The following ZNF827 variants were observed in gnomAD, a reference collection of about 807,000 sequenced individuals.
The protein encoded by ZNF827 is zinc finger protein 827.
In ZNF827, 13 loss-of-function variants were observed where a neutral mutation model predicts 102.4. The ratio of observed to expected loss-of-function variants is 0.13; its 90% CI spans 0.08 to 0.20. The LOEUF (loss-of-function observed/expected upper bound fraction) is 0.20. Among genes scored for constraint, ZNF827 ranks in the 10% least tolerant of loss-of-function variants. The pLI, the probability that ZNF827 is intolerant of heterozygous loss-of-function variation, is 1.00. For synonymous variants in ZNF827, 523 were observed against 536.2 expected (o/e 0.98, Z 0.34); for missense variants, 1,103 against 1,344.4 (o/e 0.82, Z 2.81).
chr4:145,922,845 G>C (rs1248076131), intron 1 of ZNF827, among the ~76,000 whole-genome samples: 1 of 148,602 alleles, frequency 6.7e-6, no homozygotes, highest in Non-Finnish European at 1.5e-5. Context: ...AAAACTGACA[G>C]TGTTTGTTGC....
chr4:145,904,446 G>C (rs1308725534), intron 1 of ZNF827, among the ~76,000 whole-genome samples: 1 of 152,246 alleles, frequency 6.6e-6, no homozygotes. Flanking sequence ...TGGGTGGGAA[G>C]AGAGCTGCAA....
At chr4:145,849,923 G>C (rs1458564125) in intron 5 of ZNF827, among the ~76,000 whole-genome samples, 2 of 152,134 alleles carry the variant, frequency 1.3e-5, no homozygotes, top group South Asian at 4.1e-4. Flanking sequence ...GAGAGGACAC[G>C]GTAAGTGTTT....
intron 7 of ZNF827, among the ~76,000 whole-genome samples, chr4:145,840,965 C>T (rs1181625733): frequency 2.0e-5 from 3 of 152,192 alleles, no homozygotes; most frequent in East Asian, 3.9e-4. Context: ...CTGCACAGCA[C>T]GATATGAGTC....
At position 145,765,254 on chromosome 4, in the gene ZNF827, C is replaced by T. The variant is rs34284109; in HGVS notation, c.3053-89G>A. 110,101 of 1,386,966 alleles carry T rather than the reference C, an allele frequency of 0.079. 5,050 individuals are homozygous for T. The highest frequency in any genetic ancestry group is 0.095 in the Non-Finnish European group (98,110 of 1,037,134). The allele number at this position is 1,386,966 out of a possible 1,614,324, so 85.9% of individuals were successfully genotyped here. ...AGCCAAGCTCCTCCCCACTTCCTCC[C>T]GCCTCCTCCGACGCCTGACAGCTAT... On this transcript the variant is annotated intron_variant, in intron 12 of 14. Coordinates refer to ENST00000508784, the MANE Select transcript of ZNF827 (RefSeq NM_001306215.2). This position sits in a 1 kb window ranked among gnomAD's most constrained non-coding sequence, Gnocchi z 4.7.
intron 11 of ZNF827, among the ~76,000 whole-genome samples, chr4:145,772,880 C>G (rs1232656602): frequency 6.6e-6 from 1 of 152,194 alleles, no homozygotes; most frequent in Non-Finnish European, 1.5e-5. Flanking sequence ...GCTTCATTCC[C>G]TGTGGTAATT....
At chr4:145,792,225 C>T (rs1171644251) in intron 8 of ZNF827, among the ~76,000 whole-genome samples, 1 of 152,052 alleles carries the variant, frequency 6.6e-6, no homozygotes, top group African/African-American at 2.4e-5. Context: ...CTGCTGTGAA[C>T]ACAACGTTCC....
intron 7 of ZNF827, among the ~76,000 whole-genome samples, chr4:145,835,698 A>G (rs1024183356): frequency 2.9e-5 from 4 of 137,584 alleles, no homozygotes; most frequent in Non-Finnish European, 4.7e-5. Context: ...TTACCATCTC[A>G]TTAAAACCTA....
chr4:145,932,631 C>T (rs918747553), intron 1 of ZNF827, among the ~76,000 whole-genome samples: 10 of 152,138 alleles, frequency 6.6e-5, no homozygotes, highest in Non-Finnish European at 1.0e-4. Context: ...CCCGCCACCA[C>T]GCCCTGCTAA....
intron 5 of ZNF827, among the ~76,000 whole-genome samples, chr4:145,854,772 G>A (rs193137276): frequency 2.3e-4 from 35 of 152,192 alleles, no homozygotes; most frequent in Admixed American, 9.8e-4. Context: ...AACCCTATTC[G>A]GATGTCCCCT....
intron 2 of ZNF827, among the ~76,000 whole-genome samples, chr4:145,892,956 C>T (rs1239488899): frequency 1.3e-5 from 2 of 152,252 alleles, no homozygotes; most frequent in East Asian, 1.9e-4. Context: ...GACAAATTTT[C>T]GGATCCCTAC....
chr4:145,835,619 T>C (rs1442420084), intron 7 of ZNF827, among the ~76,000 whole-genome samples: 1 of 150,204 alleles, frequency 6.7e-6, no homozygotes, highest in Non-Finnish European at 1.5e-5. Flanking sequence ...CCTCCTCTTG[T>C]ATCCCCCCAC....
At chr4:145,898,080 G>A (rs767793466) in intron 2 of ZNF827, among the ~76,000 whole-genome samples, 2 of 152,258 alleles carry the variant, frequency 1.3e-5, no homozygotes, top group Admixed American at 6.5e-5. Context: ...GCTTGAACCC[G>A]GGAGGCGGAG....
At chr4:145,905,432 T>C (rs959281363) in intron 1 of ZNF827, among the ~76,000 whole-genome samples, 3 of 152,232 alleles carry the variant, frequency 2.0e-5, no homozygotes, top group Admixed American at 6.5e-5. Context: ...CTTTATTAAG[T>C]TATCAAGAAA....
intron 8 of ZNF827, among the ~76,000 whole-genome samples, chr4:145,793,272 A>ATATACT (rs1739963277): frequency 5.7e-5 from 7 of 123,846 alleles, no homozygotes; most frequent in Admixed American, 2.6e-4. Flanking sequence ...TATCTCTTAT[A>ATATACT]TATATATAAT....
intron 5 of ZNF827, among the ~76,000 whole-genome samples, chr4:145,857,279 A>G (rs568186506): frequency 2.6e-5 from 4 of 152,342 alleles, no homozygotes; most frequent in African/African-American, 9.6e-5. Flanking sequence ...AACTTTTTGA[A>G]TTTGCAAAGA....
chr4:145,899,262 C>A (rs369119811), intron 2 of ZNF827, among the ~76,000 whole-genome samples: 68 of 152,070 alleles, frequency 4.5e-4, no homozygotes, highest in African/African-American at 1.6e-3. Context: ...CCCAATCCAG[C>A]CCCAGGTGGC....
intron 7 of ZNF827, among the ~76,000 whole-genome samples, chr4:145,834,389 A>C (rs1744593720): frequency 1.3e-5 from 2 of 151,838 alleles, no homozygotes; most frequent in Admixed American, 1.3e-4. Context: ...TTTTCTACAG[A>C]CCCATCTGAC....
intron 8 of ZNF827, among the ~76,000 whole-genome samples, chr4:145,793,098 C>T (rs567901852): frequency 6.6e-6 from 1 of 151,272 alleles, no homozygotes; most frequent in South Asian, 2.1e-4. Flanking sequence ...CTTAAAATTC[C>T]ACTAGCTATA....
intron 4 of ZNF827, among the ~76,000 whole-genome samples, chr4:145,875,178 C>T (rs1749052232): frequency 1.3e-5 from 2 of 152,126 alleles, no homozygotes; most frequent in South Asian, 4.1e-4. Context: ...CTTCTAAAGA[C>T]CATCATTTGT....
Sources: gnomAD v4.1 joint callset for allele counts (sites outside exome capture counted in the v4.1 genomes callset) on GRCh38, gnomAD v4.1.1 for gene constraint, Gnocchi (gnomAD v3.1) non-coding constraint, MANE v1.5 for transcripts, NCBI Gene and HGNC (gene_info 2026-07-23, HGNC 2026-07-21) for gene names.